A2ML1: variants seen among roughly 807,000 people sequenced by gnomAD.
A2ML1 encodes alpha-2-macroglobulin-like protein 1.
Under a neutral mutation model 181.9 loss-of-function variants are expected in A2ML1, and 161 were observed. The ratio of observed to expected loss-of-function variants is 0.89; its 90% CI spans 0.78 to 1.01. The LOEUF is 1.01. A2ML1 is among the 50% of genes least tolerant of loss of function. The pLI, the probability that A2ML1 is intolerant of heterozygous loss-of-function variation, is 0.00. For synonymous variants in A2ML1, 663 were observed against 666.8 expected (o/e 0.99, Z 0.09); for missense variants, 1,670 against 1,768.1 (o/e 0.94, Z 1.00).
chr12:8,866,493 T>G (rs1178181025), intron 29 of A2ML1, among the ~76,000 whole-genome samples: 1 of 151,976 alleles, frequency 6.6e-6, no homozygotes, highest in Non-Finnish European at 1.5e-5. Flanking sequence ...TGGAAAGCAG[T>G]GGGTGAAATG....
chr12:8,866,796 G>A (rs752797484), intron 29 of A2ML1, among the ~76,000 whole-genome samples: 79 of 152,196 alleles, frequency 5.2e-4, no homozygotes, highest in Non-Finnish European at 5.0e-4. Context: ...TGATAATGTC[G>A]AAATAAGAAT....
intron 7 of A2ML1, among the ~76,000 whole-genome samples, chr12:8,882,980 G>A (rs745942203): frequency 2.0e-5 from 3 of 151,982 alleles, no homozygotes; most frequent in Non-Finnish European, 2.9e-5. Context: ...TCAGGAACAC[G>A]GAACATTTGG....
intron 31 of A2ML1, 50 bp downstream of exon 31, chr12:8,868,407 G>A (rs375410887): frequency 2.5e-6 from 4 of 1,606,048 alleles, no homozygotes; most frequent in Non-Finnish European, 3.4e-6. Context: ...GGTCATAGGA[G>A]CTGAGCTGGG....
intron 8 of A2ML1, among the ~76,000 whole-genome samples, chr12:8,837,891 G>GAAA (rs151300022): frequency 1.9e-5 from 2 of 103,862 alleles, no homozygotes; most frequent in Non-Finnish European, 2.0e-5. Context: ...CTCCCCCACC[G>GAAA]AAAAAAAAAA....
chr12:8,886,007 ATC>A (rs200355543), intron 7 of A2ML1, among the ~76,000 whole-genome samples: 13 of 64,688 alleles, frequency 2.0e-4, no homozygotes, highest in African/African-American at 2.3e-4. Flanking sequence ...CTTCAACAAT[ATC>A]TCACACACAC....
intron 4 of A2ML1, among the ~76,000 whole-genome samples, chr12:8,831,876 A>T (rs1190477064): frequency 6.6e-6 from 1 of 151,842 alleles, no homozygotes; most frequent in Non-Finnish European, 1.5e-5. Context: ...CAGCCTCCCA[A>T]GTAGCTGGGA....
chr12:8,841,021 A>AGGAAGGAAGGACGGACGGACGGAC (rs1555109424), intron 10 of A2ML1, among the ~76,000 whole-genome samples: 1 of 122,890 alleles, frequency 8.1e-6, no homozygotes, highest in Non-Finnish European at 1.7e-5. Context: ...GACGGAAGGA[A>AGGAAGGAAGGACGGACGGACGGAC]GGAAGGAAGG....
Position 8,839,125 on chromosome 12 carries a change from A to T in A2ML1, c.983A>T (p.Asn328Ile). The change falls in exon 10 of 36, where the codon AAT becomes ATT. Residue 328 changes from asparagine (N) to isoleucine (I), a missense_variant. By Grantham distance (149) the Asn-to-Ile change is moderately radical. Coordinates refer to ENST00000299698, the MANE Select transcript of A2ML1 (RefSeq NM_144670.6). Reference sequence around the variant, plus strand: ...TTTCCCTCTGCAGGTGTGGAGGCCAATGCCACTCAGAATATCTACATTTCT... The same window carrying T: ...TTTCCCTCTGCAGGTGTGGAGGCCATTGCCACTCAGAATATCTACATTTCT... ...VVEEGTGVEA[N>I]ATQNIYISPQ... 6.2e-7 allele frequency: 1 copy of T among 1,612,844 alleles called. No individual in the cohort carries two copies. The highest frequency in any genetic ancestry group is 8.5e-7 in the Non-Finnish European group (1 of 1,179,286).
At chr12:8,884,039 G>C (rs1282329608) in intron 7 of A2ML1, among the ~76,000 whole-genome samples, 2 of 152,038 alleles carry the variant, frequency 1.3e-5, no homozygotes, top group Non-Finnish European at 2.9e-5. Flanking sequence ...GCCTGCCTTG[G>C]CCTCCCAAAG....
At chr12:8,850,996 C>G (rs1192481796) in intron 18 of A2ML1, among the ~76,000 whole-genome samples, 1 of 152,210 alleles carries the variant, frequency 6.6e-6, no homozygotes, top group Admixed American at 6.5e-5. Context: ...GCCTTGGCCT[C>G]CCAAAGTGTT....
chr12:8,880,436 T>C (rs1267549990), downstream of A2ML1: 5 of 152,030 alleles, frequency 3.3e-5, no homozygotes, highest in Non-Finnish European at 4.4e-5. Flanking sequence ...ATTATGTGTG[T>C]GTATGTGTGG....
intron 33 of A2ML1, among the ~76,000 whole-genome samples, chr12:8,871,637 C>A (rs2136981000): frequency 6.6e-6 from 1 of 152,036 alleles, no homozygotes; most frequent in East Asian, 1.9e-4. Context: ...TTGATTTATC[C>A]ATTTATCCAT....
At chr12:8,873,466 A>C (rs930517125) in intron 33 of A2ML1, among the ~76,000 whole-genome samples, 1 of 152,174 alleles carries the variant, frequency 6.6e-6, no homozygotes, top group African/African-American at 2.4e-5. Context: ...AACAACCAAC[A>C]TATGCCAGTC....
chr12:8,884,842 A>G (rs1301417882), intron 7 of A2ML1, among the ~76,000 whole-genome samples: 1 of 152,256 alleles, frequency 6.6e-6, no homozygotes, highest in East Asian at 1.9e-4. Context: ...GTTCCCATGA[A>G]AAACATGGTC....
chr12:8,829,083 T>C (rs1423300876), intron 3 of A2ML1, among the ~76,000 whole-genome samples: 1 of 152,204 alleles, frequency 6.6e-6, no homozygotes, highest in Non-Finnish European at 1.5e-5. Flanking sequence ...CAGTGCCTCT[T>C]TCAGTGATAT....
intron 33 of A2ML1, among the ~76,000 whole-genome samples, chr12:8,874,009 T>TA (rs200533939): frequency 5.4e-5 from 8 of 148,936 alleles, no homozygotes; most frequent in Admixed American, 2.7e-4. Context: ...TTTTTTTAAT[T>TA]AAAAAAAAAA....
At chr12:8,823,636 CT>C in intron 2 of A2ML1, 83 bp from the exon 3 acceptor site, 1 of 1,468,210 alleles carries the variant, frequency 6.8e-7, no homozygotes, top group Non-Finnish European at 9.2e-7. Flanking sequence ...CAGCTCTTTC[CT>C]TTAACTCACT....
At chr12:8,863,765 A>G (rs1469630731) in intron 28 of A2ML1, 29 bp from the exon 29 acceptor site, 3 of 1,609,870 alleles carry the variant, frequency 1.9e-6, no homozygotes, top group Non-Finnish European at 2.5e-6. Context: ...CCTTCTAAGG[A>G]CATCCTAGTT....
At position 8,863,833 on chromosome 12, in the gene A2ML1, C is replaced by T. The variant is rs767017796; in HGVS notation, c.3542C>T (p.Ser1181Leu). Residue 1181 changes from serine (S) to leucine (L), a missense_variant, in exon 29 of 36, where the codon TCG (serine) becomes TTG (leucine). Transcript: ENST00000299698. ...TGGAGCCAGAAACCTACTCCATCATCGAACGCCAGCCCTTGGTCTGAGCCT... is the reference window on the plus strand; with the variant it reads ...TGGAGCCAGAAACCTACTCCATCATTGAACGCCAGCCCTTGGTCTGAGCCT... ...IYWSQKPTPS[S>L]NASPWSEPAA... The T allele has an allele frequency of 1.2e-5, 20 of 1,614,096 alleles. No homozygotes were observed. The East Asian group carries it at 1.3e-4, about 11-fold the overall frequency.
Sources: gnomAD v4.1 joint callset for allele counts (sites outside exome capture counted in the v4.1 genomes callset) on GRCh38, gnomAD v4.1.1 for gene constraint, MANE v1.5 for transcripts, NCBI Gene and HGNC (gene_info 2026-07-23, HGNC 2026-07-21) for gene names.